Variants in MAD1L1 observed in about 807,000 individuals in gnomAD.
The protein encoded by MAD1L1 is mitotic spindle assembly checkpoint protein MAD1.
In MAD1L1, 95 loss-of-function variants were observed where a neutral mutation model predicts 96.9. The ratio of observed to expected loss-of-function variants is 0.98; its 90% confidence interval spans 0.83 to 1.16. MAD1L1 has a LOEUF of 1.16. Among genes scored for constraint, MAD1L1 ranks in the 50% most tolerant of loss-of-function variants. The pLI, the probability that MAD1L1 is intolerant of heterozygous loss-of-function variation, is 0.00. For synonymous variants in MAD1L1, 473 were observed against 396.6 expected, an observed-to-expected ratio of 1.19 and a Z score of -2.29; for missense variants, 1,007 against 954.4, an observed-to-expected ratio of 1.06 and a Z score of -0.73.
chr7:1,884,927 C>T lies in MAD1L1; in HGVS notation c.1998+13273G>A, dbSNP rs560822546. On this transcript the variant is annotated intron_variant, in intron 18 of 18. Coordinates refer to ENST00000265854, the MANE Select transcript of MAD1L1 (RefSeq NM_001013836.2). ...GCTCTGGGGACACAGTGTGGTGGTG[C>T]GCACCCCTCACGTCGCCCTCCGGGA... Among the ~76,000 whole-genome samples, 58 of 152,310 alleles carry T rather than the reference C, an allele frequency of 3.8e-4. No homozygotes were observed. In the South Asian group the frequency reaches 0.01, roughly 27 times the overall value.
chr7:1,872,452 T>C (rs923987078), intron 18 of MAD1L1, among the ~76,000 whole-genome samples: 22 of 152,208 alleles, frequency 1.4e-4, no homozygotes, highest in Non-Finnish European at 2.9e-4. Flanking sequence ...TCCCAGGCCC[T>C]GAGCCTCAGG....
chr7:1,996,570 G>A (rs370827976), intron 14 of MAD1L1, among the ~76,000 whole-genome samples: 2 of 152,190 alleles, frequency 1.3e-5, no homozygotes, highest in Non-Finnish European at 2.9e-5. Flanking sequence ...CGCTAGGCCC[G>A]ACTCAGAGTG....
chr7:1,874,345 G>A (rs1056397104), intron 18 of MAD1L1, among the ~76,000 whole-genome samples: 1 of 152,156 alleles, frequency 6.6e-6, no homozygotes, highest in Non-Finnish European at 1.5e-5. Context: ...CGTGGCTTGG[G>A]ATGGTCAGGG....
intron 13 of MAD1L1, among the ~76,000 whole-genome samples, chr7:2,003,613 G>A (rs545992129): frequency 6.6e-6 from 1 of 152,266 alleles, no homozygotes; most frequent in Non-Finnish European, 1.5e-5. Context: ...CCAAGCCTCT[G>A]GTGTGGGGCC....
At chr7:2,121,993 G>C (rs566366470) in intron 11 of MAD1L1, among the ~76,000 whole-genome samples, 5 of 152,160 alleles carry the variant, frequency 3.3e-5, no homozygotes, top group African/African-American at 4.8e-5. Flanking sequence ...AAGACCCTGG[G>C]TGTTAAAAGT....
chr7:1,831,786 C>A (rs564274052), intron 18 of MAD1L1, among the ~76,000 whole-genome samples: 1 of 152,192 alleles, frequency 6.6e-6, no homozygotes, highest in Non-Finnish European at 1.5e-5. Context: ...ATCAGTGGAA[C>A]AACAAAGCCT....
At chr7:2,215,119 C>T (rs1201840201) in intron 9 of MAD1L1, among the ~76,000 whole-genome samples, 1 of 152,188 alleles carries the variant, frequency 6.6e-6, no homozygotes, top group African/African-American at 2.4e-5. Flanking sequence ...TGGCTCACGT[C>T]TATAATCCCA....
chr7:2,141,118 C>A (rs3778998), intron 11 of MAD1L1, among the ~76,000 whole-genome samples: 49,921 of 152,150 alleles, frequency 0.33, 8,575 homozygotes, highest in East Asian at 0.51. Context: ...GACCCGGCCC[C>A]GTCATGAAGG....
chr7:1,927,283 C>T (rs574422285), intron 17 of MAD1L1, among the ~76,000 whole-genome samples: 9 of 152,300 alleles, frequency 5.9e-5, no homozygotes, highest in African/African-American at 2.2e-4. Context: ...TCGGAAGACT[C>T]ACTGCAACCA....
Position 2,219,335 on chromosome 7 carries a change from T to A in MAD1L1, c.593A>T (p.His198Leu). ...QELQEQLDLQ[H>L]KKCQEANQKI... Reference sequence around the variant, plus strand: ...CCCACACCCTGGCCCCGCCCACTTGTGTTGCAGGTCCAGCTGCTCCTGCAG... The same window carrying A: ...CCCACACCCTGGCCCCGCCCACTTGAGTTGCAGGTCCAGCTGCTCCTGCAG... The change falls in exon 6 of 19, where the codon CAC (histidine) becomes CTC (leucine). Residue 198 changes from histidine to leucine, a missense_variant. Physicochemically the swap from His to Leu is moderately conservative, Grantham distance 99. Transcript: ENST00000265854. The A allele has an allele frequency of 6.4e-7, 1 of 1,570,812 alleles. No individual in the cohort carries two copies. The highest frequency in any genetic ancestry group is 8.6e-7 in the Non-Finnish European group (1 of 1,157,656).
chr7:2,130,116 A>G (rs1788441725), intron 11 of MAD1L1, among the ~76,000 whole-genome samples: 1 of 152,140 alleles, frequency 6.6e-6, no homozygotes, highest in South Asian at 2.1e-4. Context: ...GCACCTCCAC[A>G]TGTCAGGAGG....
intron 16 of MAD1L1, among the ~76,000 whole-genome samples, chr7:1,945,490 C>T (rs1249309859): frequency 1.3e-5 from 2 of 152,208 alleles, no homozygotes; most frequent in Non-Finnish European, 1.5e-5. Context: ...TTCTCCAAGT[C>T]GTGGAGAGTC....
At position 2,142,338 on chromosome 7, in the gene MAD1L1, C is replaced by T. The variant is rs562333182; in HGVS notation, c.1073+6814G>A. Among the ~76,000 whole-genome samples the T allele has an allele frequency of 1.3e-5, 2 of 152,346 alleles. No individual in the cohort carries two copies. Among genetic ancestry groups the T allele is most frequent in the South Asian group, 2.1e-4 (1 of 4,824 alleles). ...CAGACAAGGAGCCTCAAAAGGCTGT[C>T]CCCTGGTGCAGGGCTGGGTTGGGGG... On this transcript the variant is annotated intron_variant, in intron 11 of 18. Coordinates refer to ENST00000265854, the MANE Select transcript of MAD1L1 (RefSeq NM_001013836.2). The surrounding 1 kb of genome is among the most constrained non-coding windows in gnomAD (Gnocchi z 4.7).
In MAD1L1 at chr7:2,047,848, A is replaced by G. The variant is rs536063228; in HGVS notation, c.1218+21346T>C. On this transcript the variant is annotated intron_variant, in intron 12 of 18. Coordinates refer to ENST00000265854, the MANE Select transcript of MAD1L1 (RefSeq NM_001013836.2). The stretch of plus-strand genomic sequence containing the variant: ...AGCTGACTCCACAGACACATGCACA[A>G]TCACACACGTGCACTCACGTGCACA... Among the ~76,000 whole-genome samples the G allele has an allele frequency of 2.0e-5, 3 of 152,294 alleles. No individual in the cohort carries two copies. The East Asian group carries it at 5.8e-4, about 29-fold the overall frequency.
At chr7:1,984,117 C>A (rs909487482) in intron 14 of MAD1L1, among the ~76,000 whole-genome samples, 2 of 152,170 alleles carry the variant, frequency 1.3e-5, no homozygotes, top group African/African-American at 4.8e-5. Context: ...GTTTTCATGA[C>A]AATTATTTTC....
intron 14 of MAD1L1, among the ~76,000 whole-genome samples, chr7:1,992,295 G>GTCTC (rs1333214581): frequency 6.6e-6 from 1 of 152,210 alleles, no homozygotes. Flanking sequence ...GATGGGTGGT[G>GTCTC]TCTCTCTATG....
chr7:1,953,854 G>A (rs1422700690), intron 16 of MAD1L1, among the ~76,000 whole-genome samples: 3 of 152,268 alleles, frequency 2.0e-5, no homozygotes, highest in Non-Finnish European at 4.4e-5. Context: ...CGGGGCACAG[G>A]TGCCGGCCCA....
chr7:1,946,036 C>A (rs1779214087), intron 16 of MAD1L1, among the ~76,000 whole-genome samples: 1 of 152,160 alleles, frequency 6.6e-6, no homozygotes, highest in South Asian at 2.1e-4. Flanking sequence ...ACACCAAGCC[C>A]CAGCCCAGAG....
chr7:2,154,270 G>C (rs1476170749), intron 10 of MAD1L1, among the ~76,000 whole-genome samples: 3 of 152,228 alleles, frequency 2.0e-5, no homozygotes, highest in African/African-American at 7.2e-5. Context: ...TCACTCATGG[G>C]AGCTGTGGAA....
Sources: gnomAD v4.1 joint callset for allele counts (sites outside exome capture counted in the v4.1 genomes callset) on GRCh38, gnomAD v4.1.1 for gene constraint, Gnocchi (gnomAD v3.1) non-coding constraint, MANE v1.5 for transcripts, NCBI Gene and HGNC (gene_info 2026-07-23, HGNC 2026-07-21) for gene names.